FARP1: variants seen among roughly 807,000 people sequenced by gnomAD.
FARP1 encodes FERM, ARHGEF and pleckstrin domain-containing protein 1.
Under a neutral mutation model 128.8 loss-of-function variants are expected in FARP1, and 52 were observed. That is an observed-to-expected ratio of 0.40 (90% CI 0.32 to 0.51). The LOEUF (loss-of-function observed/expected upper bound fraction) is 0.51. Among genes scored for constraint, FARP1 ranks in the 20% least tolerant of loss-of-function variants. The probability of loss-of-function intolerance (pLI) is 0.45; values close to 1 mark genes in which losing one functional copy is unlikely to be tolerated. For synonymous variants in FARP1, 580 were observed against 551.8 expected (o/e 1.05, Z -0.72); for missense variants, 1,333 against 1,367.9 (o/e 0.97, Z 0.40).
At chr13:98,172,548 A>G (rs1356432023) in intron 1 of FARP1, among the ~76,000 whole-genome samples, 1 of 152,156 alleles carries the variant, frequency 6.6e-6, no homozygotes, top group Non-Finnish European at 1.5e-5. Flanking sequence ...AACATTCAAC[A>G]GACAGAAGCA....
intron 3 of FARP1, among the ~76,000 whole-genome samples, chr13:98,359,967 G>A (rs749375027): frequency 1.2e-4 from 19 of 152,114 alleles, no homozygotes; most frequent in Non-Finnish European, 2.2e-4. Context: ...GCTCAAAGGC[G>A]GTATTGCAGC....
At position 98,177,197 on chromosome 13, in the gene FARP1, C is replaced by T. The variant is rs1357563022; in HGVS notation, c.-24+33705C>T. 6.3e-7 allele frequency: 1 copy of T among 1,578,072 alleles called. No homozygotes were observed. Among genetic ancestry groups the T allele is most frequent in the Admixed American group, 1.9e-5 (1 of 53,408 alleles). ...AAGAGGAAGGTGCATACCTGGTCTG[C>T]TTGGTCGGCCGTCCTTCCTGGAGAA... On this transcript the variant is annotated intron_variant, in intron 1 of 26. Transcript: ENST00000319562.
chr13:98,318,406 A>G (rs1373123622), intron 2 of FARP1, among the ~76,000 whole-genome samples: 1 of 152,172 alleles, frequency 6.6e-6, no homozygotes, highest in Non-Finnish European at 1.5e-5. Context: ...CGGCATCGTT[A>G]CGACCTCATT....
chr13:98,182,761 C>T (rs1046932839), intron 1 of FARP1, among the ~76,000 whole-genome samples: 3 of 152,220 alleles, frequency 2.0e-5, no homozygotes, highest in East Asian at 1.9e-4. Context: ...TTGGGCCACA[C>T]GTTCTTGCCC....
chr13:98,244,862 G>T (rs759803796), intron 2 of FARP1: 1 of 1,444,320 alleles, frequency 6.9e-7, no homozygotes, highest in South Asian at 1.5e-5. Context: ...TCTCAGATAC[G>T]TGAAGCTGCA....
intron 1 of FARP1, among the ~76,000 whole-genome samples, chr13:98,155,345 A>C (rs1326558910): frequency 3.8e-5 from 1 of 26,238 alleles, no homozygotes; most frequent in Non-Finnish European, 1.1e-3. Context: ...CTCTGTCTCA[A>C]AAAAAAAAAA....
At chr13:98,443,500 C>T (rs1302810720) in intron 24 of FARP1, among the ~76,000 whole-genome samples, 1 of 152,236 alleles carries the variant, frequency 6.6e-6, no homozygotes, top group Non-Finnish European at 1.5e-5. Flanking sequence ...GACAAAGCAG[C>T]TCCATCTCCT....
chr13:98,391,015 A>G (rs1350346097), intron 11 of FARP1, 135 bp downstream of exon 11: 1 of 666,714 alleles, frequency 1.5e-6, no homozygotes, highest in Non-Finnish European at 2.7e-6. Context: ...AGTCTCAGTC[A>G]TCCTCAGCAA....
intron 3 of FARP1, among the ~76,000 whole-genome samples, chr13:98,357,370 T>C (rs1022137458): frequency 2.0e-5 from 3 of 152,222 alleles, no homozygotes; most frequent in African/African-American, 7.2e-5. Flanking sequence ...TTTCTGAGAA[T>C]GTATTGACAA....
At chr13:98,286,714 A>G (rs1477450233) in intron 2 of FARP1, among the ~76,000 whole-genome samples, 1 of 152,202 alleles carries the variant, frequency 6.6e-6, no homozygotes, top group East Asian at 1.9e-4. Context: ...ACTAGAGACA[A>G]CACATTGATT....
chr13:98,323,199 G>T (rs1398368639), intron 2 of FARP1, among the ~76,000 whole-genome samples: 2 of 152,146 alleles, frequency 1.3e-5, no homozygotes, highest in African/African-American at 4.8e-5. Context: ...TTTTAAAAGG[G>T]AGTTGGTTTT....
In FARP1 at chr13:98,446,527, T is replaced by G. The variant is rs112130888; in HGVS notation, c.2905-139T>G. 6.1e-5 allele frequency: 51 copies of G among 835,294 alleles called. 1 individual carries two copies. The African/African-American group carries it at 6.5e-4, about 11-fold the overall frequency. 51.7% of individuals were successfully genotyped at this position (835,294 alleles called of 1,614,324 possible). A position where few individuals can be genotyped will look rare whatever the true frequency, so the allele number is the denominator to read the frequency against. ...CCATCACGTACAGGCAAACACTGGC[T>G]GCCATGGTCCCTTCCAGGCCCACGC... On this transcript the variant is annotated intron_variant, in intron 25 of 26. Coordinates refer to ENST00000319562, the MANE Select transcript of FARP1 (RefSeq NM_005766.4).
Position 98,213,379 on chromosome 13 carries a change from T to C in FARP1, c.137T>C (p.Met46Thr). Residue 46 changes from methionine to threonine, a missense_variant, in exon 2 of 27, where the codon ATG (methionine) becomes ACG (threonine). This residue lies in a region of FARP1 where 324 missense variants were observed against 398.1 expected (regional missense o/e 0.81). Coordinates refer to ENST00000319562, the MANE Select transcript of FARP1 (RefSeq NM_005766.4). ...AAACTCGTGTCCATCAAAATCCAGA[T>C]GCTGGATGACACCCAGGAGGCATTT... ...SGKLVSIKIQ[M>T]LDDTQEAFEV... The C allele has an allele frequency of 6.2e-7, 1 of 1,614,074 alleles. No homozygotes were observed. The highest frequency in any genetic ancestry group is 8.5e-7 in the Non-Finnish European group (1 of 1,180,002).
chr13:98,193,120 C>T lies in FARP1; in HGVS notation c.-23-20100C>T, dbSNP rs565972993. ...TTGCCCAGGCTGGAGTGCAGTGGTGCAATCTAGGCTCACTGCAACATCTGT... is the reference window on the plus strand; with the variant it reads ...TTGCCCAGGCTGGAGTGCAGTGGTGTAATCTAGGCTCACTGCAACATCTGT... On this transcript the variant is annotated intron_variant, in intron 1 of 26. Transcript: ENST00000319562. Among the ~76,000 whole-genome samples, 3 of 150,884 alleles carry T rather than the reference C, an allele frequency of 2.0e-5. 1 individual carries two copies. Among genetic ancestry groups the T allele is most frequent in the African/African-American group, 7.3e-5 (3 of 41,102 alleles).
intron 1 of FARP1, among the ~76,000 whole-genome samples, chr13:98,165,384 T>G (rs1295260466): frequency 1.3e-5 from 2 of 152,126 alleles, no homozygotes; most frequent in Non-Finnish European, 2.9e-5. Flanking sequence ...GTCAGTGTTT[T>G]GAGGCAGATT....
intron 13 of FARP1, chr13:98,400,720 T>C (rs2140089089): frequency 6.6e-6 from 1 of 152,364 alleles, no homozygotes; most frequent in East Asian, 1.9e-4. Flanking sequence ...TCTCTGGACT[T>C]TCTCTTTTAT....
rs191907601 is a variant in FARP1, at chr13:98,149,894, T to C, written c.-24+6402T>C. Among the ~76,000 whole-genome samples the C allele has an allele frequency of 6.8e-3, 1,026 of 151,152 alleles. 11 individuals carry two copies. The highest frequency in any genetic ancestry group is 0.024 in the African/African-American group (980 of 41,094). On this transcript the variant is annotated intron_variant, in intron 1 of 26. Transcript: ENST00000319562. The stretch of plus-strand genomic sequence containing the variant: ...CTGGGTCTACAGGCACCCGCCACCA[T>C]GCCCGGCTAATTTTTTGTATTTTTA...
intron 1 of FARP1, among the ~76,000 whole-genome samples, chr13:98,157,338 C>T (rs1377640008): frequency 6.6e-6 from 1 of 151,806 alleles, no homozygotes; most frequent in Non-Finnish European, 1.5e-5. Context: ...CTCCCCCATG[C>T]TAGTCTAGGT....
chr13:98,312,815 G>A (rs950572562), intron 2 of FARP1, among the ~76,000 whole-genome samples: 4 of 152,108 alleles, frequency 2.6e-5, no homozygotes, highest in African/African-American at 7.2e-5. Context: ...TGCACAGGGC[G>A]CTCTGCCTTC....
Sources: allele counts gnomAD v4.1 joint callset (sites outside exome capture counted in the v4.1 genomes callset), GRCh38; gene constraint gnomAD v4.1.1; regional missense constraint gnomAD v4.1.1; transcripts MANE v1.5; gene names NCBI Gene and HGNC (gene_info 2026-07-23, HGNC 2026-07-21).